Variants in OVCH1 observed in about 807,000 individuals in gnomAD.
OVCH1 encodes ovochymase 1, also known as ovochymase-1.
OVCH1 carries 139 observed loss-of-function variants against 138.4 expected under a neutral mutation model. The observed-to-expected ratio is 1.00, with a 90% CI of 0.87 to 1.16. The LOEUF is 1.16. OVCH1 is among the 50% of genes most tolerant of loss of function. The probability of loss-of-function intolerance (pLI) is 0.00; values close to 1 mark genes in which losing one functional copy is unlikely to be tolerated. For missense variants in OVCH1, 1,367 were observed against 1,357.9 expected (o/e 1.01, Z -0.11); for synonymous variants, 453 against 467.8 (o/e 0.97, Z 0.41).
intron 9 of OVCH1, 156 bp from the exon 11 acceptor site, chr12:29,477,634 GT>G (rs1180136281): frequency 6.3e-7 from 1 of 1,591,018 alleles, no homozygotes; most frequent in Non-Finnish European, 8.6e-7. Flanking sequence ...CCCTGCTTCA[GT>G]GACTTTGCTA....
At chr12:29,470,630 T>G (rs1399434665) in intron 16 of OVCH1, among the ~76,000 whole-genome samples, 1 of 152,200 alleles carries the variant, frequency 6.6e-6, no homozygotes, top group Non-Finnish European at 1.5e-5. Context: ...GATGGGCGTT[T>G]GAGTTGGTTC....
In OVCH1 at chr12:29,439,540, A is replaced by G. The variant is rs148904418; in HGVS notation, c.3158-106T>C. 1.1e-3 allele frequency: 1,426 copies of G among 1,298,994 alleles called. 13 individuals carry two copies. The African/African-American group carries it at 0.015, about 14-fold the overall frequency. 80.5% of individuals were successfully genotyped at this position (1,298,994 alleles called of 1,614,324 possible). Reference sequence around the variant, plus strand: ...AACTAAAGGAAAAATCTCTATCTCTACTACAACTACTGCTACTCTCGGTAC... The same window carrying G: ...AACTAAAGGAAAAATCTCTATCTCTGCTACAACTACTGCTACTCTCGGTAC... On this transcript the variant is annotated intron_variant, in intron 25 of 27. Coordinates refer to ENST00000318184, the Ensembl canonical transcript of OVCH1.
chr12:29,448,844 C>T (rs914756182), intron 22 of OVCH1, among the ~76,000 whole-genome samples: 4 of 152,102 alleles, frequency 2.6e-5, no homozygotes, highest in African/African-American at 9.7e-5. Context: ...GACCTCTATG[C>T]ACTTCAGAAT....
At chr12:29,461,729 T>C in intron 19 of OVCH1, 125 bp downstream of exon 19, 1 of 1,194,862 alleles carries the variant, frequency 8.4e-7, no homozygotes, top group East Asian at 2.4e-5. Flanking sequence ...CTGGTCTTCA[T>C]GCAGGGATAT....
downstream of OVCH1, among the ~76,000 whole-genome samples, chr12:29,410,174 C>T (rs1360346190): frequency 2.2e-5 from 3 of 133,368 alleles, no homozygotes; most frequent in African/African-American, 2.5e-5. Flanking sequence ...GATCTTCCTC[C>T]ATCCCTTTAT....
chr12:29,490,499 T>A (rs892923088), intron 5 of OVCH1, among the ~76,000 whole-genome samples: 5 of 152,212 alleles, frequency 3.3e-5, no homozygotes, highest in Admixed American at 2.6e-4. Context: ...TATGTATACA[T>A]TGCAAAATGA....
the OVCH1 span, among the ~76,000 whole-genome samples, chr12:29,402,770 T>C: frequency 6.8e-6 from 1 of 146,374 alleles, no homozygotes; most frequent in African/African-American, 2.5e-5. Flanking sequence ...GTGTAAGAAG[T>C]CCAGAGAGAT....
chr12:29,480,917 A>G (rs1271061390), intron 8 of OVCH1, among the ~76,000 whole-genome samples: 13 of 152,090 alleles, frequency 8.5e-5, no homozygotes, highest in African/African-American at 2.9e-4. Flanking sequence ...CTAAAGCACA[A>G]TTTTTTCACA....
At position 29,493,444 on chromosome 12, in the gene OVCH1, G is replaced by A. The variant is rs533701255; in HGVS notation, c.454+1841C>T. Among the ~76,000 whole-genome samples, 42 of 152,188 alleles carry A rather than the reference G, an allele frequency of 2.8e-4. 1 individual carries two copies. Among genetic ancestry groups the A allele is most frequent in the African/African-American group, 7.9e-4 (33 of 41,546 alleles). On this transcript the variant is annotated intron_variant, in intron 4 of 27. Coordinates refer to ENST00000318184, the Ensembl canonical transcript of OVCH1. ...ATCTAAAGATTTGGATATCAATTATGATCAATCCTCAGCCACTTTCTCTTG... is the reference window on the plus strand; with the variant it reads ...ATCTAAAGATTTGGATATCAATTATAATCAATCCTCAGCCACTTTCTCTTG...
At chr12:29,409,155 T>G (rs571149618), downstream of OVCH1, among the ~76,000 whole-genome samples, 5 of 151,464 alleles carry the variant, frequency 3.3e-5, no homozygotes, top group Non-Finnish European at 5.9e-5. Context: ...CGTGGTGATA[T>G]CCCCTTTATC....
chr12:29,472,054 A>G (rs1942530409), intron 15 of OVCH1, 72 bp from the exon 16 acceptor site: 1 of 1,407,306 alleles, frequency 7.1e-7, no homozygotes. Flanking sequence ...ATAGCTTGCC[A>G]TAGTTAACAG....
chr12:29,464,873 G>T lies in OVCH1; in HGVS notation c.1930-171C>A, dbSNP rs1942262789. ...AATATTGGTTTACAATTTGCAGGGGGCTATGAACCACCTTCTGGATAAAGG... is the reference window on the plus strand; with the variant it reads ...AATATTGGTTTACAATTTGCAGGGGTCTATGAACCACCTTCTGGATAAAGG... On this transcript the variant is annotated intron_variant, in intron 17 of 27. Coordinates refer to ENST00000318184, the Ensembl canonical transcript of OVCH1. 4.4e-6 allele frequency: 3 copies of T among 678,688 alleles called. No individual in the cohort carries two copies. In the South Asian group the frequency reaches 6.2e-5, roughly 14 times the overall value. The allele number at this position is 678,688 out of a possible 1,614,324, so 42.0% of individuals were successfully genotyped here.
chr12:29,440,171 T>C (rs894454173), intron 25 of OVCH1, among the ~76,000 whole-genome samples: 8 of 152,156 alleles, frequency 5.3e-5, no homozygotes, highest in African/African-American at 1.9e-4. Context: ...TCTGGATAGA[T>C]GGGTAGAAGA....
intron 22 of OVCH1, among the ~76,000 whole-genome samples, chr12:29,450,151 G>C (rs1941742196): frequency 6.6e-6 from 1 of 152,106 alleles, no homozygotes; most frequent in South Asian, 2.1e-4. Flanking sequence ...GGCAACAAAA[G>C]TCAAAATTGA....
intron 19 of OVCH1, among the ~76,000 whole-genome samples, chr12:29,458,691 G>A (rs796197173): frequency 3.4e-4 from 51 of 152,196 alleles, no homozygotes; most frequent in African/African-American, 1.2e-3. Flanking sequence ...AGGAAACAAA[G>A]CCAAGAGACA....
chr12:29,417,460 CAA>C (rs759067203), intron 3 of OVCH1, among the ~76,000 whole-genome samples: 512 of 60,700 alleles, frequency 8.4e-3, no homozygotes, highest in Admixed American at 0.027. Context: ...CACTCCGTCT[CAA>C]AAAAAAAAAA....
downstream of OVCH1, among the ~76,000 whole-genome samples, chr12:29,425,665 A>G (rs533923431): frequency 1.3e-5 from 2 of 152,328 alleles, no homozygotes; most frequent in South Asian, 2.1e-4. Context: ...TAAAATGAAG[A>G]TAATGTAACC....
At chr12:29,486,028 G>A (rs962354732) in intron 8 of OVCH1, among the ~76,000 whole-genome samples, 3 of 151,662 alleles carry the variant, frequency 2.0e-5, no homozygotes, top group South Asian at 2.1e-4. Flanking sequence ...ACAGCTTTTA[G>A]CAATGGCATG....
At chr12:29,440,618 T>C (rs1178608673) in intron 25 of OVCH1, 5 of 416,592 alleles carry the variant, frequency 1.2e-5, no homozygotes, top group South Asian at 5.3e-5. Flanking sequence ...AGGTGTTCTG[T>C]AGGGCAAGAA....
Sources: gnomAD v4.1 joint callset for allele counts (sites outside exome capture counted in the v4.1 genomes callset) on GRCh38, gnomAD v4.1.1 for gene constraint, MANE v1.5 for transcripts, NCBI Gene and HGNC (gene_info 2026-07-23, HGNC 2026-07-21) for gene names.